Variants in ARID4A observed in about 807,000 individuals in gnomAD.
ARID4A encodes AT-rich interactive domain-containing protein 4A.
In ARID4A, 39 loss-of-function variants were observed where a neutral mutation model predicts 148.6. The ratio of observed to expected loss-of-function variants is 0.26; its 90% CI spans 0.20 to 0.34. The LOEUF (loss-of-function observed/expected upper bound fraction) is 0.34, where lower values mean the gene tolerates loss of function less well. Among genes scored for constraint, ARID4A ranks in the 10% least tolerant of loss-of-function variants. ARID4A has a pLI of 1.00. For missense variants in ARID4A, 1,265 were observed against 1,449.1 expected, an observed-to-expected ratio of 0.87 and a Z score of 2.06; for synonymous variants, 475 against 481.2, an observed-to-expected ratio of 0.99 and a Z score of 0.17.
rs1307967271 is a variant in ARID4A at position 58,318,803 on chromosome 14, T to C, written c.447T>C (p.Pro149=). The change falls in exon 7 of 24, where the codon CCT becomes CCC. Residue 149 remains proline (P), a splice_region_variant and synonymous_variant. Transcript: ENST00000355431. ...ACAGAGGAAGGAGATCTTCTCTTCC[T>C]GTGTGAGTTTTTTCATATATGGTAT... is the stretch of plus-strand genomic sequence containing the variant. ...KTNRGRRSSL[P]VTEDEKEEES... is the part of the protein sequence containing the mutation. 2.5e-6 allele frequency: 4 copies of C among 1,609,888 alleles called. No individual in the cohort carries two copies. In the Admixed American group the frequency reaches 5.0e-5, roughly 20 times the overall value.
chr14:58,325,835 C>G (rs1219372281), intron 8 of ARID4A, among the ~76,000 whole-genome samples: 1 of 151,030 alleles, frequency 6.6e-6, no homozygotes, highest in Non-Finnish European at 1.5e-5. Flanking sequence ...TCAGAATATT[C>G]AGATTGTAGG....
At chr14:58,314,672 T>C (rs1489749533) in intron 5 of ARID4A, among the ~76,000 whole-genome samples, 2 of 152,084 alleles carry the variant, frequency 1.3e-5, no homozygotes, top group African/African-American at 4.8e-5. Flanking sequence ...CAAGGGATTC[T>C]CCTGCCTTGG....
Position 58,353,687 on chromosome 14 carries a change from A to G in ARID4A, c.1685A>G (p.Glu562Gly), listed in dbSNP as rs758715922. 5 of 1,614,048 alleles carry G rather than the reference A, an allele frequency of 3.1e-6. No individual in the cohort carries two copies. The highest frequency in any genetic ancestry group is 2.5e-6 in the Non-Finnish European group (3 of 1,179,970). The change falls in exon 17 of 24, where the codon GAA becomes GGA. Residue 562 changes from glutamate to glycine, a missense_variant. Transcript: ENST00000355431. ...REETESKCDS[E>G]GEEDEEDMEP... The stretch of plus-strand genomic sequence containing the variant: ...GAAACTGAAAGCAAATGTGACTCTG[A>G]AGGAGAGGAAGATGAGGAAGACATG...
chr14:58,337,323 T>C (rs1471948679), intron 11 of ARID4A, among the ~76,000 whole-genome samples: 1 of 145,810 alleles, frequency 6.9e-6, no homozygotes, highest in African/African-American at 2.5e-5. Flanking sequence ...TTTAAGAAAA[T>C]GTTCTCTCCT....
Position 58,319,521 on chromosome 14 carries a change from CTTTTTTTTTTTTTTTTTTTTTTTTTT to C in ARID4A, c.449+730_449+755del, listed in dbSNP as rs71107934. On this transcript the variant is annotated intron_variant, in intron 7 of 23. Transcript: ENST00000355431. ...ATCTGTGTATGAATGTCTATATACT[CTTTTTTTTTTTTTTTTTTTTTTTTTT>C]TTTTTTTTTTTTTGGTGAGATGGAG... 8.2e-4 allele frequency among the ~76,000 whole-genome samples: 51 copies of C among 62,098 alleles called. No homozygotes were observed. The South Asian group carries it at 9.9e-3, about 12-fold the overall frequency. The allele number at this position is 62,098 out of a possible 152,430, so 40.7% of individuals were successfully genotyped here.
chr14:58,365,543 T>C lies in ARID4A; in HGVS notation c.3237T>C (p.Asn1079=), dbSNP rs755433764. 2.6e-6 allele frequency: 4 copies of C among 1,546,862 alleles called. No individual in the cohort carries two copies. In the South Asian group the frequency reaches 3.4e-5, roughly 13 times the overall value. The change falls in exon 21 of 24, where the codon AAT becomes AAC. Residue 1079 remains asparagine (N), a synonymous_variant. Coordinates refer to ENST00000355431, the MANE Select transcript of ARID4A (RefSeq NM_002892.4). ...GTCAGAAGAGGCCAAGTGATGGAAA[T>C]AGTGGATTAATGGCAAAAAAGCAAA... ...EKGQKRPSDG[N]SGLMAKKQKR... is the part of the protein sequence containing the mutation.
In ARID4A at chr14:58,372,503, GCA is replaced by G. The variant is rs1432139956; in HGVS notation, c.*515_*516del. ...TTAGAACTGCCAAAGTATATGTTCA[GCA>G]GTGTGCCCAGGATTGAAGGTGTAAA... is the stretch of plus-strand genomic sequence containing the variant. On this transcript the variant is annotated 3_prime_UTR_variant, in exon 24 of 24. Coordinates refer to ENST00000355431, the MANE Select transcript of ARID4A (RefSeq NM_002892.4). 3.8e-4 allele frequency: 85 copies of G among 222,002 alleles called. 1 individual carries two copies. The East Asian group carries it at 5.7e-3, about 15-fold the overall frequency. The allele number at this position is 222,002 out of a possible 1,614,324, so 13.8% of individuals were successfully genotyped here. A position where few individuals can be genotyped will look rare whatever the true frequency, so the allele number is the denominator to read the frequency against.
intron 19 of ARID4A, 89 bp downstream of exon 19, chr14:58,361,131 A>C: frequency 6.8e-7 from 1 of 1,468,254 alleles, no homozygotes; most frequent in Non-Finnish European, 9.0e-7. Flanking sequence ...GGCTGACTTT[A>C]AAAAAAATCA....
In ARID4A at chr14:58,366,935, A is replaced by G; in HGVS notation, c.3576A>G (p.Lys1192=). The G allele has an allele frequency of 4.6e-6, 7 of 1,522,828 alleles. No individual in the cohort carries two copies. Among genetic ancestry groups the G allele is most frequent in the Admixed American group, 2.4e-5 (1 of 41,098 alleles). The allele number at this position is 1,522,828 out of a possible 1,614,324, so 94.3% of individuals were successfully genotyped here. ...AGAGAATCTCATTTCTCCAAGAAAAACTACAGGAAATCAGAAAATATTATA... is the reference window on the plus strand; with the variant it reads ...AGAGAATCTCATTTCTCCAAGAAAAGCTACAGGAAATCAGAAAATATTATA... The part of the protein sequence containing the change: ...STERISFLQE[K]LQEIRKYYMS... The change falls in exon 23 of 24, where the codon AAA becomes AAG. Residue 1192 remains lysine (K), a synonymous_variant. Transcript: ENST00000355431.
At position 58,317,739 on chromosome 14, in the gene ARID4A, C is replaced by T. The variant is rs1426606549; in HGVS notation, c.275-803C>T. ...CTTGGTTTTTCGCGGCTCAAGCAAT[C>T]GTTCCACCATGGCCTCTCCAGTAGC... is the stretch of plus-strand genomic sequence containing the variant. On this transcript the variant is annotated intron_variant, in intron 5 of 23. Transcript: ENST00000355431. 4.4e-5 allele frequency among the ~76,000 whole-genome samples: 6 copies of T among 136,494 alleles called. 1 individual carries two copies. The highest frequency in any genetic ancestry group is 1.4e-4 in the African/African-American group (5 of 35,880). The allele number at this position is 136,494 out of a possible 152,430, so 89.5% of individuals were successfully genotyped here. A position where few individuals can be genotyped will look rare whatever the true frequency, so the allele number is the denominator to read the frequency against.
At chr14:58,333,673 A>G (rs1015831977) in intron 11 of ARID4A, among the ~76,000 whole-genome samples, 6 of 152,008 alleles carry the variant, frequency 3.9e-5, no homozygotes, top group Non-Finnish European at 5.9e-5. Flanking sequence ...TAAGTACTTG[A>G]GTTTGTTTAC....
At position 58,351,444 on chromosome 14, in the gene ARID4A, C is replaced by G. The variant is rs545002615; in HGVS notation, c.1655+121C>G. On this transcript the variant is annotated intron_variant, in intron 16 of 23. Transcript: ENST00000355431. ...TTATTGGGACTTCCGTTCCTCTTGT[C>G]TAATGAAGGTGAGACACATTGTGAA... 94 of 1,309,736 alleles carry G rather than the reference C, an allele frequency of 7.2e-5. No individual in the cohort carries two copies. The African/African-American group carries it at 1.2e-3, about 17-fold the overall frequency. 81.1% of individuals were successfully genotyped at this position (1,309,736 alleles called of 1,614,324 possible).
At chr14:58,317,880 T>C (rs1244157031) in intron 5 of ARID4A, among the ~76,000 whole-genome samples, 1 of 151,884 alleles carries the variant, frequency 6.6e-6, no homozygotes, top group Non-Finnish European at 1.5e-5. Context: ...ATGCCTGTAA[T>C]CCGAGCACTT....
At chr14:58,354,697 AAAAAAAG>A (rs2034793719) in intron 17 of ARID4A, among the ~76,000 whole-genome samples, 1 of 151,478 alleles carries the variant, frequency 6.6e-6, no homozygotes, top group Admixed American at 6.6e-5. Context: ...ATAAAAAAAA[AAAAAAAG>A]AAAAAAGAGA....
rs781250349 is a variant in ARID4A at position 58,306,002 on chromosome 14, A to G, written c.184-20A>G. 7.5e-6 allele frequency: 12 copies of G among 1,593,890 alleles called. No homozygotes were observed. The highest frequency in any genetic ancestry group is 1.0e-5 in the Non-Finnish European group (12 of 1,162,142). On this transcript the variant is annotated intron_variant, in intron 4 of 23. Transcript: ENST00000355431. Reference sequence around the variant, plus strand: ...TTATTTGTTTAAATTTGGTAAGGAAATTGGGATTTCACATTTTAGGTTGGA... The same window carrying G: ...TTATTTGTTTAAATTTGGTAAGGAAGTTGGGATTTCACATTTTAGGTTGGA...
chr14:58,358,571 A>ACT (rs2140256984), intron 17 of ARID4A, among the ~76,000 whole-genome samples: 1 of 152,326 alleles, frequency 6.6e-6, no homozygotes, highest in Non-Finnish European at 1.5e-5. Context: ...AAACTTAGAT[A>ACT]AAGTAGGTGA....
intron 20 of ARID4A, 48 bp downstream of exon 20, chr14:58,365,348 C>T (rs375682810): frequency 1.3e-6 from 2 of 1,541,010 alleles, no homozygotes; most frequent in African/African-American, 1.4e-5. Context: ...AACCAAAAAT[C>T]AAAACTGTTG....
chr14:58,350,100 TAA>T (rs758927898), intron 15 of ARID4A, among the ~76,000 whole-genome samples: 14 of 83,806 alleles, frequency 1.7e-4, no homozygotes, highest in Admixed American at 2.7e-4. Flanking sequence ...GACTCTGTCT[TAA>T]AAAAAAAAAA....
intron 11 of ARID4A, among the ~76,000 whole-genome samples, chr14:58,334,335 T>G (rs2140202195): frequency 6.6e-6 from 1 of 152,332 alleles, no homozygotes; most frequent in Admixed American, 6.5e-5. Flanking sequence ...CTCAGTTAAC[T>G]GATAAAATAC....
Sources: gnomAD v4.1 joint callset for allele counts (sites outside exome capture counted in the v4.1 genomes callset) on GRCh38, gnomAD v4.1.1 for gene constraint, MANE v1.5 for transcripts, NCBI Gene and HGNC (gene_info 2026-07-23, HGNC 2026-07-21) for gene names.